COL5A3: variants seen among roughly 807,000 people sequenced by gnomAD.
COL5A3 encodes collagen alpha-3(V) chain.
A neutral mutation model predicts 250.0 loss-of-function variants in COL5A3; 172 were observed. The observed-to-expected ratio is 0.69, with a 90% CI of 0.61 to 0.78. COL5A3 has a LOEUF of 0.78. Among genes scored for constraint, COL5A3 ranks in the 30% least tolerant of loss-of-function variants. COL5A3 has a pLI of 0.00. For synonymous variants in COL5A3, 937 were observed against 900.4 expected (o/e 1.04, Z -0.73); for missense variants, 2,340 against 2,334.4 (o/e 1.00, Z -0.05).
chr19:9,961,742 TAG>T (rs2086675890), intron 65 of COL5A3, among the ~76,000 whole-genome samples: 1 of 152,018 alleles, frequency 6.6e-6, no homozygotes, highest in Non-Finnish European at 1.5e-5. Context: ...GTATTTTTAG[TAG>T]AGACGGGGTT....
rs763701433 is a variant in COL5A3, at chr19:9,970,981, C to T, written c.3876G>A (p.Gly1292=). Residue 1292 remains glycine (G), a synonymous_variant, in exon 53 of 67, where the codon GGG becomes GGA. Transcript: ENST00000264828. The part of the protein sequence containing the change: ...PGEKGDPGDV[G]GPGPPGASGE... ...CCTCTGTTTTCCCACTCACCGGTCC[C>T]CCAACATCACCAGGGTCTCCCTTCT... 6.4e-7 allele frequency: 1 copy of T among 1,561,750 alleles called. No homozygotes were observed. Among genetic ancestry groups the T allele is most frequent in the East Asian group, 2.4e-5 (1 of 42,088 alleles).
rs368937435 is a variant in COL5A3 at position 9,993,052 on chromosome 19, G to T, written c.1765C>A (p.Pro589Thr). 6.6e-5 allele frequency: 107 copies of T among 1,613,798 alleles called. No homozygotes were observed. The highest frequency in any genetic ancestry group is 8.5e-5 in the Non-Finnish European group (100 of 1,179,924). Residue 589 changes from proline to threonine, a missense_variant, in exon 20 of 67, where the codon CCA becomes ACA. By Grantham distance (38) the Pro-to-Thr change is conservative (BLOSUM62 -1). This residue lies in a region of COL5A3 where 1,152 missense variants were observed against 1,146.3 expected (regional missense o/e 1.00). Transcript: ENST00000264828. ...TCCCCAGCCTGGCCAGTGGGCCCTG[G>T]AGGTCCCTCTGCTCCCTGTGGAAAA... Reference protein sequence around the residue: ...EDGERGAEGPPGPTGQAGEPG... With the variant: ...EDGERGAEGPTGPTGQAGEPG...
chr19:9,962,678 C>T (rs2086689594), intron 65 of COL5A3, 141 bp downstream of exon 65: 5 of 611,972 alleles, frequency 8.2e-6, no homozygotes, highest in Admixed American at 2.8e-5. Context: ...CTGCTGCCAC[C>T]CCACCTCCAG....
In COL5A3 at chr19:9,986,225, G is replaced by A. The variant is rs527925087; in HGVS notation, c.2352+90C>T. 8 of 897,790 alleles carry A rather than the reference G, an allele frequency of 8.9e-6. 1 individual carries two copies. In the East Asian group the frequency reaches 2.0e-4, roughly 22 times the overall value. The allele number at this position is 897,790 out of a possible 1,614,324, so 55.6% of individuals were successfully genotyped here. On this transcript the variant is annotated intron_variant, in intron 30 of 66. Coordinates refer to ENST00000264828, the MANE Select transcript of COL5A3 (RefSeq NM_015719.4). ...GACAAGGTTGGTAGCAACCTCCTGA[G>A]GTCGAAGGTATAATAAAAGGGCAAA...
At chr19:9,980,954 C>T (rs975143990) in intron 33 of COL5A3, 95 bp from the exon 34 acceptor site, 2 of 1,494,800 alleles carry the variant, frequency 1.3e-6, no homozygotes, top group Non-Finnish European at 9.2e-7. Context: ...CTTGTGACTC[C>T]CTCTCCTGCC....
At chr19:9,976,489 C>A (rs1192358358) in intron 45 of COL5A3, 69 bp downstream of exon 45, 8 of 1,212,394 alleles carry the variant, frequency 6.6e-6, no homozygotes, top group Non-Finnish European at 9.2e-6. Context: ...TGTGCTTCCA[C>A]TGTCGTTTGC....
rs1030519601 is a variant in COL5A3 at position 9,959,725 on chromosome 19, C to T, written c.*686G>A. ...GGGGACTTTCCCTTTTAATACAGAC[C>T]CAGGTATAAATAGGGCAGCACCATT... On this transcript the variant is annotated 3_prime_UTR_variant, in exon 67 of 67. Transcript: ENST00000264828. 1.3e-5 allele frequency: 2 copies of T among 152,488 alleles called. No individual in the cohort carries two copies. Among genetic ancestry groups the T allele is most frequent in the African/African-American group, 4.8e-5 (2 of 41,338 alleles). 9.4% of individuals were successfully genotyped at this position (152,488 alleles called of 1,614,324 possible).
intron 27 of COL5A3, among the ~76,000 whole-genome samples, chr19:9,988,833 CAAAAAAAAAA>C: frequency 2.5e-5 from 1 of 39,420 alleles, no homozygotes; most frequent in South Asian, 1.2e-3. Flanking sequence ...GACTCTGTCT[CAAAAAAAAAA>C]AAAAAAAAAA....
In COL5A3 at chr19:9,973,854, C is replaced by T. The variant is rs375057312; in HGVS notation, c.3559-45G>A. ...TAAGAGTGGGACTGTGGAATCCCAA[C>T]ATCCTCTTCTTAGGAAATGGTTGTC... is the stretch of plus-strand genomic sequence containing the variant. On this transcript the variant is annotated intron_variant, in intron 48 of 66. Transcript: ENST00000264828. 7.6e-5 allele frequency: 123 copies of T among 1,610,104 alleles called. No homozygotes were observed. In the African/African-American group the frequency reaches 1.2e-3, roughly 16 times the overall value.
Position 10,009,906 on chromosome 19 carries a change from A to G in COL5A3, c.88+392T>C, listed in dbSNP as rs902727796. Among the ~76,000 whole-genome samples, 1 of 152,114 alleles carries G rather than the reference A, an allele frequency of 6.6e-6. No individual in the cohort carries two copies. Among genetic ancestry groups the G allele is most frequent in the Non-Finnish European group, 1.5e-5 (1 of 68,014 alleles). The stretch of plus-strand genomic sequence containing the variant: ...AGCACATAGACAAGAGCACAAGTGC[A>G]TACTCACCTGTCGCAATACACACCG... On this transcript the variant is annotated intron_variant, in intron 1 of 66. Coordinates refer to ENST00000264828, the MANE Select transcript of COL5A3 (RefSeq NM_015719.4). This position sits in a 1 kb window ranked among gnomAD's most constrained non-coding sequence, Gnocchi z 4.4.
rs553667785 is a variant in COL5A3 at position 9,978,641 on chromosome 19, T to C, written c.2965-14A>G. 133 of 1,540,756 alleles carry C rather than the reference T, an allele frequency of 8.6e-5. 3 individuals are homozygous for C. The South Asian group carries it at 1.5e-3, about 17-fold the overall frequency. ...GCCAGTAGGTCCCTGAAGGAGGAGA[T>C]AATTCACAGTTAAGAGACTCCCAAA... On this transcript the variant is annotated splice_polypyrimidine_tract_variant and intron_variant, in intron 40 of 66. Coordinates refer to ENST00000264828, the MANE Select transcript of COL5A3 (RefSeq NM_015719.4).
rs2086794908 is a variant in COL5A3 at position 9,969,251 on chromosome 19, T to G, written c.4152+98A>C. ...GCAGTATGGACACTCAGATGGATGG[T>G]CAGTGAGGGCTAGCCTGCACCAATG... On this transcript the variant is annotated intron_variant, in intron 57 of 66. Transcript: ENST00000264828. 1.7e-5 allele frequency: 18 copies of G among 1,050,802 alleles called. No individual in the cohort carries two copies. The South Asian group carries it at 2.1e-4, about 12-fold the overall frequency. The allele number at this position is 1,050,802 out of a possible 1,614,324, so 65.1% of individuals were successfully genotyped here.
chr19:9,986,789 C>T, intron 27 of COL5A3, 31 bp from the exon 28 acceptor site: 1 of 1,610,138 alleles, frequency 6.2e-7, no homozygotes, highest in Non-Finnish European at 8.5e-7. Flanking sequence ...GCTCTCAAGC[C>T]TCTTCCCTGC....
rs59188408 is a variant in COL5A3, at chr19:9,988,853, A to AGAGAGAGAGAGAG, written c.2145+270_2145+271insCTCTCTCTCTCTC. On this transcript the variant is annotated intron_variant, in intron 27 of 66. Coordinates refer to ENST00000264828, the MANE Select transcript of COL5A3 (RefSeq NM_015719.4). ...TGTCTCAAAAAAAAAAAAAAAAAAA[A>AGAGAGAGAGAGAG]AAAAAGAAAGTAAAGAAAAGAAAAG... Among the ~76,000 whole-genome samples the AGAGAGAGAGAGAG allele has an allele frequency of 4.1e-3, 553 of 134,772 alleles. 4 individuals are homozygous for AGAGAGAGAGAGAG. The highest frequency in any genetic ancestry group is 7.2e-3 in the Non-Finnish European group (454 of 63,338). 88.4% of individuals were successfully genotyped at this position (134,772 alleles called of 152,430 possible).
In COL5A3 at chr19:9,960,163, G is replaced by T; in HGVS notation, c.*248C>A. On this transcript the variant is annotated 3_prime_UTR_variant, in exon 67 of 67. Transcript: ENST00000264828. ...GGGAGGTGAGGCTTGGGTGGGGAGG[G>T]AGGGGAGAAAGAGCCAGACTGCAGT... The T allele has an allele frequency of 1.8e-6, 1 of 542,980 alleles. No homozygotes were observed. The highest frequency in any genetic ancestry group is 3.3e-6 in the Non-Finnish European group (1 of 304,632). 33.6% of individuals were successfully genotyped at this position (542,980 alleles called of 1,614,324 possible). A position where few individuals can be genotyped will look rare whatever the true frequency, so the allele number is the denominator to read the frequency against.
At chr19:10,003,862 C>A in intron 5 of COL5A3, 148 bp from the exon 6 acceptor site, 1 of 1,203,396 alleles carries the variant, frequency 8.3e-7, no homozygotes, top group South Asian at 1.4e-5. Context: ...AACCTGGGGT[C>A]AAGGGTGGCT....
At position 9,993,739 on chromosome 19, in the gene COL5A3, C is replaced by T; in HGVS notation, c.1641+14G>A. On this transcript the variant is annotated intron_variant, in intron 17 of 66. Transcript: ENST00000264828. The stretch of plus-strand genomic sequence containing the variant: ...CAGCTCCCACCAAGTCTTATCTCAG[C>T]CCCCATCACCTACCTTAGGTCCAGT... 1.2e-6 allele frequency: 2 copies of T among 1,614,076 alleles called. No homozygotes were observed. The highest frequency in any genetic ancestry group is 1.7e-4 in the Middle Eastern group (1 of 6,060).
chr19:9,972,296 T>C lies in COL5A3; in HGVS notation c.3774+623A>G, dbSNP rs933915733. ...ATTCACCCATTCATTCCCTCGTTCA[T>C]CCATTCATTCACTCGTTCATCCATT... On this transcript the variant is annotated intron_variant, in intron 51 of 66. Coordinates refer to ENST00000264828, the MANE Select transcript of COL5A3 (RefSeq NM_015719.4). 3.9e-5 allele frequency among the ~76,000 whole-genome samples: 4 copies of C among 102,632 alleles called. No homozygotes were observed. In the East Asian group the frequency reaches 7.5e-4, roughly 19 times the overall value. 67.3% of individuals were successfully genotyped at this position (102,632 alleles called of 152,430 possible). A position where few individuals can be genotyped will look rare whatever the true frequency, so the allele number is the denominator to read the frequency against.
chr19:9,997,023 T>G (rs2087283877), intron 11 of COL5A3: 9 of 501,590 alleles, frequency 1.8e-5, no homozygotes, highest in East Asian at 3.6e-5. Flanking sequence ...GATGGAGAAA[T>G]AGAGAGAGAG....
Sources: gnomAD v4.1 joint callset for allele counts (sites outside exome capture counted in the v4.1 genomes callset) on GRCh38, gnomAD v4.1.1 for gene constraint, gnomAD v4.1.1 regional missense constraint, Gnocchi (gnomAD v3.1) non-coding constraint, MANE v1.5 for transcripts, NCBI Gene and HGNC (gene_info 2026-07-23, HGNC 2026-07-21) for gene names.